The following EPHA6 variants were observed in gnomAD, a reference collection of about 807,000 sequenced individuals.
EPHA6 encodes the protein ephrin type-A receptor 6.
A neutral mutation model predicts 112.0 loss-of-function variants in EPHA6; 50 were observed. The ratio of observed to expected loss-of-function variants is 0.45; its 90% CI spans 0.36 to 0.56. EPHA6 has a LOEUF of 0.56. Ranked by LOEUF, EPHA6 falls within the 20% of genes least tolerant of loss-of-function variation. The probability of loss-of-function intolerance (pLI) is 0.00; values close to 1 mark genes in which losing one functional copy is unlikely to be tolerated. For missense variants in EPHA6, 1,280 were observed against 1,417.4 expected (o/e 0.90, Z 1.56); for synonymous variants, 529 against 490.7 (o/e 1.08, Z -1.03).
At chr3:97,481,571 G>A (rs1164795451) in intron 9 of EPHA6, 2 of 613,548 alleles carry the variant, frequency 3.3e-6, no homozygotes, top group Non-Finnish European at 6.1e-6. Flanking sequence ...CGCGTCCGGC[G>A]CTGGGGGACT....
At chr3:96,856,573 T>G (rs1112418) in intron 1 of EPHA6, among the ~76,000 whole-genome samples, 36,064 of 152,070 alleles carry the variant, frequency 0.24, 7,775 homozygotes, top group African/African-American at 0.55. Context: ...AATAGTGTCT[T>G]AAATACTAGT....
chr3:96,925,607 T>G (rs1366157319), intron 2 of EPHA6, among the ~76,000 whole-genome samples: 17 of 116,788 alleles, frequency 1.5e-4, no homozygotes, highest in Non-Finnish European at 3.5e-4. Flanking sequence ...GATTTGCTGT[T>G]TTTTTTTTTT....
intron 3 of EPHA6, among the ~76,000 whole-genome samples, chr3:97,048,040 CAT>C (rs1357804242): frequency 1.3e-5 from 2 of 152,018 alleles, no homozygotes; most frequent in African/African-American, 2.4e-5. Context: ...AGTTGATAAA[CAT>C]ATAAAACAAT....
At chr3:97,165,048 A>T (rs535727793) in intron 3 of EPHA6, among the ~76,000 whole-genome samples, 14 of 152,286 alleles carry the variant, frequency 9.2e-5, no homozygotes, top group African/African-American at 3.4e-4. Flanking sequence ...TCAGGGCCTC[A>T]TGCTACCATT....
chr3:97,442,327 G>A (rs1343224812), intron 6 of EPHA6, among the ~76,000 whole-genome samples: 1 of 152,136 alleles, frequency 6.6e-6, no homozygotes, highest in Non-Finnish European at 1.5e-5. Flanking sequence ...GTTCACAGCT[G>A]TAATCACAGC....
chr3:97,130,239 T>G (rs2048302639), intron 3 of EPHA6, among the ~76,000 whole-genome samples: 1 of 152,080 alleles, frequency 6.6e-6, no homozygotes, highest in Non-Finnish European at 1.5e-5. Flanking sequence ...CTGGGTACCC[T>G]TCCTACATTC....
At chr3:97,651,597 T>C (rs2094107901) in intron 14 of EPHA6, among the ~76,000 whole-genome samples, 1 of 152,060 alleles carries the variant, frequency 6.6e-6, no homozygotes, top group African/African-American at 2.4e-5. Context: ...CCGTACAGTT[T>C]GATGATTAAG....
chr3:97,683,660 C>T (rs1417090692), intron 14 of EPHA6, among the ~76,000 whole-genome samples: 1 of 152,056 alleles, frequency 6.6e-6, no homozygotes, highest in Admixed American at 6.6e-5. Context: ...CATGGCAAGT[C>T]TTGGGGCAGG....
chr3:96,873,336 C>G (rs566558058), intron 2 of EPHA6, among the ~76,000 whole-genome samples: 1 of 151,828 alleles, frequency 6.6e-6, no homozygotes, highest in African/African-American at 2.4e-5. Flanking sequence ...GTGCTTTACC[C>G]GCTGATCTAA....
intron 3 of EPHA6, among the ~76,000 whole-genome samples, chr3:97,030,438 G>A (rs570506610): frequency 7.2e-5 from 11 of 152,108 alleles, no homozygotes; most frequent in South Asian, 2.1e-4. Context: ...ATGTCTTGCC[G>A]TCATCCAGAG....
At chr3:97,017,406 G>C (rs1264235163) in intron 3 of EPHA6, among the ~76,000 whole-genome samples, 1 of 152,180 alleles carries the variant, frequency 6.6e-6, no homozygotes, top group Non-Finnish European at 1.5e-5. Flanking sequence ...CTCAGAAGGA[G>C]TATTTAAATC....
intron 6 of EPHA6, among the ~76,000 whole-genome samples, chr3:97,405,658 G>A (rs1052062285): frequency 5.9e-5 from 9 of 152,038 alleles, no homozygotes; most frequent in African/African-American, 2.2e-4. Flanking sequence ...GTGGGTTTTT[G>A]TAGCACATAT....
chr3:96,964,182 C>T lies in EPHA6; in HGVS notation c.451-23148C>T, dbSNP rs117209967. On this transcript the variant is annotated intron_variant, in intron 2 of 17. Coordinates refer to ENST00000389672, the MANE Select transcript of EPHA6 (RefSeq NM_001080448.3). Reference sequence around the variant, plus strand: ...TTCAAGCAATCCAAGTATGCTCATTCGTTATTTTAAGATGTACAATTATTA... The same window carrying T: ...TTCAAGCAATCCAAGTATGCTCATTTGTTATTTTAAGATGTACAATTATTA... Among the ~76,000 whole-genome samples the T allele has an allele frequency of 2.0e-3, 304 of 152,032 alleles. 3 individuals are homozygous for T. Among genetic ancestry groups the T allele is most frequent in the East Asian group, 0.018 (92 of 5,156 alleles).
chr3:97,206,724 A>G (rs1328535802), intron 3 of EPHA6, among the ~76,000 whole-genome samples: 2 of 152,110 alleles, frequency 1.3e-5, no homozygotes, highest in African/African-American at 4.8e-5. Flanking sequence ...TATACTCATT[A>G]TCTCTTCAGG....
At chr3:97,633,838 C>G (rs945203302) in intron 13 of EPHA6, among the ~76,000 whole-genome samples, 10 of 152,084 alleles carry the variant, frequency 6.6e-5, no homozygotes, top group African/African-American at 2.2e-4. Context: ...AATAAGAGAA[C>G]TGTGTCATTT....
intron 2 of EPHA6, among the ~76,000 whole-genome samples, chr3:96,915,738 A>G (rs753463176): frequency 6.6e-6 from 1 of 152,092 alleles, no homozygotes; most frequent in Non-Finnish European, 1.5e-5. Context: ...AGCAGTAGTA[A>G]TAATTATAGA....
intron 5 of EPHA6, among the ~76,000 whole-genome samples, chr3:97,356,988 TTA>T (rs1157247764): frequency 6.6e-6 from 1 of 152,194 alleles, no homozygotes; most frequent in East Asian, 1.9e-4. Flanking sequence ...CTTATAAATA[TTA>T]TGTCTTCTTG....
chr3:96,945,920 C>T (rs1422564950), intron 2 of EPHA6, among the ~76,000 whole-genome samples: 1 of 151,942 alleles, frequency 6.6e-6, no homozygotes, highest in East Asian at 1.9e-4. Context: ...TTTAAAATAC[C>T]ATGTGTCTAC....
At chr3:97,048,729 G>A (rs763612140) in intron 3 of EPHA6, among the ~76,000 whole-genome samples, 2 of 152,138 alleles carry the variant, frequency 1.3e-5, no homozygotes, top group South Asian at 2.1e-4. Flanking sequence ...AGATAAAATA[G>A]TGAACAAAAC....
Sources: gnomAD v4.1 joint callset for allele counts (sites outside exome capture counted in the v4.1 genomes callset) on GRCh38, gnomAD v4.1.1 for gene constraint, MANE v1.5 for transcripts, NCBI Gene and HGNC (gene_info 2026-07-23, HGNC 2026-07-21) for gene names.